The following SDK1 variants were observed in gnomAD, a reference collection of about 807,000 sequenced individuals.
SDK1 encodes sidekick cell adhesion molecule 1, also known as protein sidekick-1.
SDK1 carries 157 observed loss-of-function variants against 245.5 expected under a neutral mutation model. That is an observed-to-expected ratio of 0.64 (90% confidence interval 0.56 to 0.73). The LOEUF (loss-of-function observed/expected upper bound fraction) is 0.73, where lower values mean the gene tolerates loss of function less well. Among genes scored for constraint, SDK1 ranks in the 30% least tolerant of loss-of-function variants. The pLI, the probability that SDK1 is intolerant of heterozygous loss-of-function variation, is 0.00. For synonymous variants in SDK1, 1,647 were observed against 1,278.5 expected, an observed-to-expected ratio of 1.29 and a Z score of -6.15; for missense variants, 3,583 against 3,002.3, an observed-to-expected ratio of 1.19 and a Z score of -4.52.
At chr7:3,786,440 G>T (rs1047184701) in intron 4 of SDK1, among the ~76,000 whole-genome samples, 1 of 152,130 alleles carries the variant, frequency 6.6e-6, no homozygotes, top group African/African-American at 2.4e-5. Flanking sequence ...ATAGTTTTGT[G>T]TTCAGGACCT....
At chr7:3,975,906 GTAGAGGGTCCTC>G (rs1562604443) in intron 13 of SDK1, among the ~76,000 whole-genome samples, 6 of 148,612 alleles carry the variant, frequency 4.0e-5, no homozygotes, top group African/African-American at 7.4e-5. Context: ...AAGCTGCCAC[GTAGAGGGTCCTC>G]CAGAGAATCA....
chr7:4,160,182 A>G (rs892031548), intron 31 of SDK1, among the ~76,000 whole-genome samples: 21 of 152,234 alleles, frequency 1.4e-4, no homozygotes, highest in African/African-American at 4.8e-4. Context: ...AAAACTATAT[A>G]AATGCATTCA....
At chr7:3,769,711 G>C (rs1486784869) in intron 4 of SDK1, among the ~76,000 whole-genome samples, 1 of 152,096 alleles carries the variant, frequency 6.6e-6, no homozygotes, top group African/African-American at 2.4e-5. Flanking sequence ...GATGAGGGAT[G>C]AGCCTGCCTG....
intron 44 of SDK1, among the ~76,000 whole-genome samples, chr7:4,254,627 CTTCT>C (rs748784597): frequency 4.0e-5 from 6 of 149,002 alleles, no homozygotes; most frequent in Non-Finnish European, 7.4e-5. Flanking sequence ...CAGAAGCTAC[CTTCT>C]TTTTTTTTTT....
chr7:4,209,096 C>A (rs1784386706), intron 37 of SDK1, among the ~76,000 whole-genome samples: 1 of 152,204 alleles, frequency 6.6e-6, no homozygotes, highest in Non-Finnish European at 1.5e-5. Context: ...GGCCCCTTGG[C>A]ATCAAACTCT....
chr7:3,886,656 T>A (rs977378274), intron 5 of SDK1, among the ~76,000 whole-genome samples: 2 of 152,244 alleles, frequency 1.3e-5, no homozygotes, highest in African/African-American at 4.8e-5. Flanking sequence ...TGGTAACACC[T>A]GTAGTCCCAG....
At chr7:4,181,541 C>A (rs907313047) in intron 35 of SDK1, among the ~76,000 whole-genome samples, 10 of 152,110 alleles carry the variant, frequency 6.6e-5, no homozygotes, top group African/African-American at 1.4e-4. Flanking sequence ...CCCACTGGGC[C>A]CCCATCTCCC....
intron 1 of SDK1, among the ~76,000 whole-genome samples, chr7:3,468,144 A>T (rs1484253354): frequency 6.6e-6 from 1 of 152,190 alleles, no homozygotes; most frequent in Non-Finnish European, 1.5e-5. Context: ...GTTCAGAGAT[A>T]TGTTTGACAT....
At position 3,707,686 on chromosome 7, in the gene SDK1, A is replaced by G. The variant is rs79278550; in HGVS notation, c.713+65581A>G. The stretch of plus-strand genomic sequence containing the variant: ...CTATTATCGTGTTTCTGTTTATCTC[A>G]TCTCTTAGGTCTAATAGTAAATGTT... On this transcript the variant is annotated intron_variant, in intron 4 of 44. Coordinates refer to ENST00000404826, the MANE Select transcript of SDK1 (RefSeq NM_152744.4). 5.5e-3 allele frequency among the ~76,000 whole-genome samples: 840 copies of G among 152,252 alleles called. 6 individuals are homozygous for G. Among genetic ancestry groups the G allele is most frequent in the African/African-American group, 0.018 (754 of 41,526 alleles).
intron 22 of SDK1, among the ~76,000 whole-genome samples, chr7:4,080,717 G>A (rs558644861): frequency 1.2e-4 from 18 of 152,084 alleles, no homozygotes; most frequent in Non-Finnish European, 2.4e-4. Flanking sequence ...TGGCGTTGAG[G>A]GGGTGGGGAG....
intron 8 of SDK1, among the ~76,000 whole-genome samples, chr7:3,959,427 T>C (rs1413292983): frequency 6.6e-6 from 1 of 152,060 alleles, no homozygotes; most frequent in East Asian, 1.9e-4. Context: ...GGGAGATGGG[T>C]GTACATGTAT....
At chr7:3,445,746 A>G (rs1468167445) in intron 1 of SDK1, among the ~76,000 whole-genome samples, 3 of 152,150 alleles carry the variant, frequency 2.0e-5, no homozygotes, top group African/African-American at 4.8e-5. Context: ...CACATTAAGA[A>G]TCACATTAGA....
intron 5 of SDK1, among the ~76,000 whole-genome samples, chr7:3,932,470 TC>T (rs1370876902): frequency 1.3e-5 from 2 of 152,166 alleles, no homozygotes; most frequent in African/African-American, 2.4e-5. Context: ...TTGGGTCATA[TC>T]AGAAAATGCC....
intron 4 of SDK1, among the ~76,000 whole-genome samples, chr7:3,646,408 A>G (rs985494396): frequency 6.6e-6 from 1 of 152,068 alleles, no homozygotes; most frequent in African/African-American, 2.4e-5. Context: ...TCTTAACAGG[A>G]GCTATTATTT....
At chr7:3,374,855 C>CT (rs1305639436) in intron 1 of SDK1, among the ~76,000 whole-genome samples, 2 of 152,182 alleles carry the variant, frequency 1.3e-5, no homozygotes, top group East Asian at 1.9e-4. Context: ...AGATTGTATG[C>CT]TTTTTTTCCC....
At chr7:3,879,607 A>G (rs1238740148) in intron 5 of SDK1, among the ~76,000 whole-genome samples, 1 of 152,166 alleles carries the variant, frequency 6.6e-6, no homozygotes, top group African/African-American at 2.4e-5. Context: ...AGCCTCACTC[A>G]GCCATTCGCT....
At chr7:3,910,361 ACT>A (rs1398662118) in intron 5 of SDK1, among the ~76,000 whole-genome samples, 1 of 151,908 alleles carries the variant, frequency 6.6e-6, no homozygotes, top group Non-Finnish European at 1.5e-5. Context: ...GTGTACAAAG[ACT>A]CTCTGTGTTG....
intron 30 of SDK1, among the ~76,000 whole-genome samples, chr7:4,152,574 T>G (rs1780457707): frequency 1.3e-5 from 2 of 152,210 alleles, no homozygotes; most frequent in South Asian, 4.1e-4. Context: ...GAGAGGTCCA[T>G]GTTTCAGGAC....
intron 4 of SDK1, among the ~76,000 whole-genome samples, chr7:3,661,998 C>A (rs1783376583): frequency 6.6e-6 from 1 of 151,432 alleles, no homozygotes. Context: ...TTATTATTAC[C>A]ACTTACTCAA....
Sources: allele counts gnomAD v4.1 joint callset (sites outside exome capture counted in the v4.1 genomes callset), GRCh38; gene constraint gnomAD v4.1.1; transcripts MANE v1.5; gene names NCBI Gene and HGNC (gene_info 2026-07-23, HGNC 2026-07-21).